Variants in ABL2 observed in about 807,000 individuals in gnomAD.
ABL2 encodes tyrosine-protein kinase ABL2.
Under a neutral mutation model 107.7 loss-of-function variants are expected in ABL2, and 49 were observed. The ratio of observed to expected loss-of-function variants is 0.45; its 90% CI spans 0.36 to 0.58. ABL2 has a LOEUF of 0.58. Ranked by LOEUF, ABL2 falls within the 20% of genes least tolerant of loss-of-function variation. The pLI is 0.00. For missense variants in ABL2, 1,245 were observed against 1,457.0 expected (o/e 0.85, Z 2.37); for synonymous variants, 549 against 548.6 (o/e 1.00, Z -0.01).
chr1:179,205,432 G>T (rs1411399068), intron 1 of ABL2, among the ~76,000 whole-genome samples: 1 of 152,164 alleles, frequency 6.6e-6, no homozygotes, highest in African/African-American at 2.4e-5. Context: ...ACTTGCTTTG[G>T]CCAGTGAGAT....
intron 8 of ABL2, among the ~76,000 whole-genome samples, chr1:179,115,736 A>G (rs893014831): frequency 3.3e-5 from 5 of 152,242 alleles, no homozygotes. Flanking sequence ...GTATCTAAGA[A>G]GCATAACAGT....
rs371925354 is a variant in ABL2, at chr1:179,117,291, A to T, written c.1408+41T>A. Reference sequence around the variant, plus strand: ...AAAGAATCAAGGCATTTATAAAAAAAAAAATAAAATGACACAGAAAAAAGT... The same window carrying T: ...AAAGAATCAAGGCATTTATAAAAAATAAAATAAAATGACACAGAAAAAAGT... On this transcript the variant is annotated intron_variant, in intron 8 of 11. Transcript: ENST00000502732. 2.3e-4 allele frequency: 368 copies of T among 1,591,770 alleles called. 1 individual carries two copies. Among genetic ancestry groups the T allele is most frequent in the East Asian group, 6.5e-4 (29 of 44,760 alleles).
In ABL2 at chr1:179,108,309, T is replaced by C. The variant is rs531090597; in HGVS notation, c.2958A>G (p.Pro986=). The change falls in exon 12 of 12, where the codon CCA becomes CCG. Residue 986 remains proline (P), a synonymous_variant. Transcript: ENST00000502732. ...GCTGCAGTAGTCTCATCACTGGTGG[T>C]GGGGGTGGGGCACACTTTGGTTTTA... ...RRVKPKCAPP[P]PPVMRLLQHP... is the part of the protein sequence containing the mutation. 1.1e-5 allele frequency: 17 copies of C among 1,611,516 alleles called. No individual in the cohort carries two copies. The African/African-American group carries it at 1.9e-4, about 18-fold the overall frequency.
chr1:179,118,774 G>C lies in ABL2; in HGVS notation c.1046-10C>G, dbSNP rs1337884441. 21 of 1,610,874 alleles carry C rather than the reference G, an allele frequency of 1.3e-5. No homozygotes were observed. Among genetic ancestry groups the C allele is most frequent in the African/African-American group, 2.7e-5 (2 of 74,740 alleles). ...TCCAAAGTACACACACCTAAAAGTT[G>C]AACAATAGTGCTTGTTTTTATTAGT... On this transcript the variant is annotated splice_polypyrimidine_tract_variant and intron_variant, in intron 6 of 11. Coordinates refer to ENST00000502732, the MANE Select transcript of ABL2 (RefSeq NM_007314.4).
intron 1 of ABL2, among the ~76,000 whole-genome samples, chr1:179,147,851 T>A (rs1168895003): frequency 1.3e-5 from 2 of 152,150 alleles, no homozygotes; most frequent in South Asian, 2.1e-4. Flanking sequence ...AAACTTTTTT[T>A]AAAAAAGCAA....
chr1:179,190,631 G>A (rs1660954041), intron 1 of ABL2, among the ~76,000 whole-genome samples: 1 of 152,170 alleles, frequency 6.6e-6, no homozygotes, highest in South Asian at 2.1e-4. Context: ...GTGAGGGGGT[G>A]AGTGATGAAA....
Position 179,229,436 on chromosome 1 carries a change from G to A in ABL2, c.-39C>T. On this transcript the variant is annotated 5_prime_UTR_variant, in exon 1 of 12. Transcript: ENST00000502732. The stretch of plus-strand genomic sequence containing the variant: ...TACTCCCGCGCCCCCGCCGACCCCT[G>A]GTCACATTCCTCCTCGGCTCCGGCC... 1 of 1,467,394 alleles carries A rather than the reference G, an allele frequency of 6.8e-7. No individual in the cohort carries two copies. Among genetic ancestry groups the A allele is most frequent in the Non-Finnish European group, 8.9e-7 (1 of 1,120,806 alleles). 90.9% of individuals were successfully genotyped at this position (1,467,394 alleles called of 1,614,324 possible). A position where few individuals can be genotyped will look rare whatever the true frequency, so the allele number is the denominator to read the frequency against.
chr1:179,149,463 C>T (rs1452392828), intron 1 of ABL2, among the ~76,000 whole-genome samples: 1 of 152,224 alleles, frequency 6.6e-6, no homozygotes, highest in African/African-American at 2.4e-5. Flanking sequence ...AATGTGGCCA[C>T]ACTAAACAAC....
chr1:179,109,249 C>T lies in ABL2; in HGVS notation c.2018G>A (p.Arg673Gln), dbSNP rs1424546413. 5 of 1,614,128 alleles carry T rather than the reference C, an allele frequency of 3.1e-6. No individual in the cohort carries two copies. The Admixed American group carries it at 5.0e-5, about 16-fold the overall frequency. Reference protein sequence around the residue: ...PTPPKRSSSFREMENQPHKKY... With the variant: ...PTPPKRSSSFQEMENQPHKKY... ...CTTATGGGGCTGATTCTCCATTTCTCGGAAGGAGCTGCTGCGTTTGGGGGG... is the reference window on the plus strand; with the variant it reads ...CTTATGGGGCTGATTCTCCATTTCTTGGAAGGAGCTGCTGCGTTTGGGGGG... Residue 673 changes from arginine to glutamine, a missense_variant, in exon 12 of 12, where the codon CGA becomes CAA. Coordinates refer to ENST00000502732, the MANE Select transcript of ABL2 (RefSeq NM_007314.4).
rs61821669 is a variant in ABL2, at chr1:179,126,002, G to T, written c.687+375C>A. ...GCTCAAAAGTCTAAATTCTTACTCT[G>T]TGAACTTTCTGGTAGATATTATTCT... On this transcript the variant is annotated intron_variant, in intron 4 of 11. Coordinates refer to ENST00000502732, the MANE Select transcript of ABL2 (RefSeq NM_007314.4). The surrounding 1 kb of genome is among the most constrained non-coding windows in gnomAD (Gnocchi z 4.4). 3.4e-4 allele frequency among the ~76,000 whole-genome samples: 52 copies of T among 152,086 alleles called. No individual in the cohort carries two copies. The highest frequency in any genetic ancestry group is 1.0e-3 in the Admixed American group (16 of 15,262).
chr1:179,120,361 G>A (rs1311836998), intron 5 of ABL2, 87 bp from the exon 6 acceptor site: 9 of 684,832 alleles, frequency 1.3e-5, no homozygotes, highest in South Asian at 7.4e-5. Flanking sequence ...CAATCATAAA[G>A]CTTCAGCTTT....
intron 1 of ABL2, among the ~76,000 whole-genome samples, chr1:179,170,860 G>A (rs1189699274): frequency 6.6e-6 from 1 of 151,882 alleles, no homozygotes; most frequent in African/African-American, 2.4e-5. Flanking sequence ...CTCCCAAAAT[G>A]CTGGGATTAC....
intron 1 of ABL2, among the ~76,000 whole-genome samples, chr1:179,181,946 A>ATTTTTTTTTTTT (rs34828452): frequency 4.0e-3 from 361 of 91,170 alleles, no homozygotes; most frequent in Non-Finnish European, 5.2e-3. Context: ...AGGCCCGGCT[A>ATTTTTTTTTTTT]TTTTTTTTTT....
intron 1 of ABL2, among the ~76,000 whole-genome samples, chr1:179,172,516 T>C (rs1277452039): frequency 1.3e-5 from 2 of 152,234 alleles, no homozygotes; most frequent in South Asian, 4.1e-4. Flanking sequence ...GCAAGGTCTC[T>C]GCTCTAGAGC....
At chr1:179,136,870 C>T (rs892966980) in intron 1 of ABL2, among the ~76,000 whole-genome samples, 3 of 147,504 alleles carry the variant, frequency 2.0e-5, no homozygotes, top group Non-Finnish European at 3.0e-5. Flanking sequence ...GAGCCAAGAT[C>T]GCCGCTGTGC....
intron 1 of ABL2, among the ~76,000 whole-genome samples, chr1:179,139,375 C>A (rs1657359334): frequency 6.6e-6 from 1 of 152,108 alleles, no homozygotes; most frequent in African/African-American, 2.4e-5. Context: ...ACCACGAACT[C>A]ACCAGAAGGA....
At chr1:179,113,649 C>A (rs1654318002) in intron 9 of ABL2, among the ~76,000 whole-genome samples, 1 of 152,026 alleles carries the variant, frequency 6.6e-6, no homozygotes, top group South Asian at 2.1e-4. Context: ...AAAGTACAGG[C>A]CGGGTGCTGT....
Position 179,107,518 on chromosome 1 carries a change from T to C in ABL2, c.*200A>G. 1 of 1,088,284 alleles carries C rather than the reference T, an allele frequency of 9.2e-7. No individual in the cohort carries two copies. Among genetic ancestry groups the C allele is most frequent in the East Asian group, 2.9e-5 (1 of 35,080 alleles). 67.4% of individuals were successfully genotyped at this position (1,088,284 alleles called of 1,614,324 possible). On this transcript the variant is annotated 3_prime_UTR_variant, in exon 12 of 12. Coordinates refer to ENST00000502732, the MANE Select transcript of ABL2 (RefSeq NM_007314.4). ...CACTACTGCCTTGCCCCCACTTAATTTACCTCTCCTATACTTATGTGGTTT... is the reference window on the plus strand; with the variant it reads ...CACTACTGCCTTGCCCCCACTTAATCTACCTCTCCTATACTTATGTGGTTT...
chr1:179,224,450 G>A (rs1457726434), intron 1 of ABL2, among the ~76,000 whole-genome samples: 1 of 151,832 alleles, frequency 6.6e-6, no homozygotes, highest in Non-Finnish European at 1.5e-5. Context: ...TATTTTTTTA[G>A]TAGAGACAGG....
Sources: allele counts gnomAD v4.1 joint callset (sites outside exome capture counted in the v4.1 genomes callset), GRCh38; gene constraint gnomAD v4.1.1; non-coding constraint Gnocchi (gnomAD v3.1); transcripts MANE v1.5; gene names NCBI Gene and HGNC (gene_info 2026-07-23, HGNC 2026-07-21).